Variants in ATP9B observed in about 807,000 individuals in gnomAD.
The protein encoded by ATP9B is ATPase phospholipid transporting 9B, also known as probable phospholipid-transporting ATPase IIB.
Under a neutral mutation model 146.1 loss-of-function variants are expected in ATP9B, and 110 were observed. That is an observed-to-expected ratio of 0.75 (90% confidence interval 0.65 to 0.88). The LOEUF is 0.88. Among genes scored for constraint, ATP9B ranks in the 40% least tolerant of loss-of-function variants. The pLI is 0.00. For missense variants in ATP9B, 1,499 were observed against 1,496.4 expected, an observed-to-expected ratio of 1.00 and a Z score of -0.03; for synonymous variants, 604 against 569.7, an observed-to-expected ratio of 1.06 and a Z score of -0.86.
rs114314799 is a variant in ATP9B, at chr18:79,330,192, A to G, written c.2028+88A>G. 1.5e-3 allele frequency: 1,852 copies of G among 1,213,584 alleles called. 10 individuals are homozygous for G. The African/African-American group carries it at 0.023, about 15-fold the overall frequency. The allele number at this position is 1,213,584 out of a possible 1,614,324, so 75.2% of individuals were successfully genotyped here. On this transcript the variant is annotated intron_variant, in intron 17 of 29. Transcript: ENST00000426216. ...TCTCAGCCTGGTTCACAGTGTTTCT[A>G]TGAACTTTATTGATAGATGACAGGA...
Position 79,195,927 on chromosome 18 carries a change from C to G in ATP9B, c.954+2664C>G, listed in dbSNP as rs151083512. Reference sequence around the variant, plus strand: ...GAAATGGTTTGAAACATTGACAGCTCAAGTGTGTGTTATTAAATACAAGGA... The same window carrying G: ...GAAATGGTTTGAAACATTGACAGCTGAAGTGTGTGTTATTAAATACAAGGA... On this transcript the variant is annotated intron_variant, in intron 9 of 29. Coordinates refer to ENST00000426216, the MANE Select transcript of ATP9B (RefSeq NM_198531.5). Among the ~76,000 whole-genome samples, 191 of 152,268 alleles carry G rather than the reference C, an allele frequency of 1.3e-3. 3 individuals are homozygous for G. The highest frequency in any genetic ancestry group is 4.4e-3 in the African/African-American group (183 of 41,552).
At chr18:79,132,075 G>A (rs1373668405) in intron 5 of ATP9B, among the ~76,000 whole-genome samples, 1 of 152,228 alleles carries the variant, frequency 6.6e-6, no homozygotes, top group African/African-American at 2.4e-5. Context: ...CAATGCCACT[G>A]AATGGTTCAC....
In ATP9B at chr18:79,327,593, G is replaced by A. The variant is rs1231493271; in HGVS notation, c.1774-1548G>A. On this transcript the variant is annotated intron_variant, in intron 15 of 29. Coordinates refer to ENST00000426216, the MANE Select transcript of ATP9B (RefSeq NM_198531.5). Reference sequence around the variant, plus strand: ...GGTTAGCGTGCTCTCCGTGGTTAACGTGCCCTCCGTGGTTAGCGTGCCCTC... The same window carrying A: ...GGTTAGCGTGCTCTCCGTGGTTAACATGCCCTCCGTGGTTAGCGTGCCCTC... 2.5e-4 allele frequency among the ~76,000 whole-genome samples: 35 copies of A among 141,136 alleles called. 2 individuals carry two copies. The highest frequency in any genetic ancestry group is 6.7e-4 in the African/African-American group (24 of 35,678). 92.6% of individuals were successfully genotyped at this position (141,136 alleles called of 152,430 possible).
chr18:79,240,478 G>T (rs1452462393), intron 11 of ATP9B, among the ~76,000 whole-genome samples: 1 of 152,246 alleles, frequency 6.6e-6, no homozygotes, highest in East Asian at 1.9e-4. Context: ...CCGGACACAG[G>T]CTCACGCCTG....
intron 26 of ATP9B, 52 bp from the exon 27 acceptor site, chr18:79,372,773 A>T: frequency 8.2e-7 from 1 of 1,213,592 alleles, no homozygotes; most frequent in African/African-American, 1.5e-5. Flanking sequence ...GGAAGGCGTG[A>T]GTCAAGCAGG....
intron 2 of ATP9B, among the ~76,000 whole-genome samples, chr18:79,100,260 C>T (rs2075162943): frequency 6.6e-6 from 1 of 152,152 alleles, no homozygotes; most frequent in Non-Finnish European, 1.5e-5. Context: ...AAGTGCACTG[C>T]TCTGTATGTC....
At chr18:79,337,085 G>A (rs1283152503) in intron 18 of ATP9B, among the ~76,000 whole-genome samples, 194 bp from the exon 19 acceptor site, 1 of 151,448 alleles carries the variant, frequency 6.6e-6, no homozygotes, top group East Asian at 1.9e-4. Flanking sequence ...GCACGTACAC[G>A]TGTGCACACA....
intron 2 of ATP9B, among the ~76,000 whole-genome samples, chr18:79,099,302 A>C (rs562261907): frequency 6.6e-6 from 1 of 151,836 alleles, no homozygotes; most frequent in South Asian, 2.1e-4. Flanking sequence ...GCTCACCTCA[A>C]CCTCCGCCTT....
At chr18:79,331,247 G>A (rs1600095760) in intron 17 of ATP9B, among the ~76,000 whole-genome samples, 1 of 152,166 alleles carries the variant, frequency 6.6e-6, no homozygotes, top group Non-Finnish European at 1.5e-5. Flanking sequence ...CCCAGTGTTC[G>A]CAACGGTAGT....
intron 12 of ATP9B, among the ~76,000 whole-genome samples, chr18:79,263,215 T>A (rs950115234): frequency 4.6e-5 from 7 of 152,202 alleles, no homozygotes; most frequent in African/African-American, 1.7e-4. Flanking sequence ...CATATATAAA[T>A]ATATGCAGTC....
chr18:79,270,430 T>G (rs547087489), intron 12 of ATP9B, among the ~76,000 whole-genome samples: 55 of 152,304 alleles, frequency 3.6e-4, no homozygotes, highest in African/African-American at 9.9e-4. Context: ...AATTTGCCAC[T>G]GCTTGACTTT....
At chr18:79,277,289 A>G (rs2096322565) in intron 13 of ATP9B, 93 bp downstream of exon 13, 4 of 1,462,762 alleles carry the variant, frequency 2.7e-6, no homozygotes, top group Non-Finnish European at 3.7e-6. Flanking sequence ...ATGTGTATGT[A>G]TATATGTGTA....
At chr18:79,298,380 G>T (rs749492042) in intron 13 of ATP9B, among the ~76,000 whole-genome samples, 1 of 145,862 alleles carries the variant, frequency 6.9e-6, no homozygotes, top group African/African-American at 2.5e-5. Context: ...AAAAAAGCGC[G>T]GTACTTAGCC....
intron 8 of ATP9B, among the ~76,000 whole-genome samples, chr18:79,191,710 G>C (rs554266332): frequency 1.3e-5 from 2 of 152,040 alleles, no homozygotes; most frequent in Non-Finnish European, 2.9e-5. Context: ...TTGCTTACTC[G>C]TTAGGAGCAT....
intron 10 of ATP9B, among the ~76,000 whole-genome samples, chr18:79,212,928 C>T (rs2095597210): frequency 6.6e-6 from 1 of 152,108 alleles, no homozygotes; most frequent in African/African-American, 2.4e-5. Flanking sequence ...CTGGGGAATA[C>T]TTCACATCTT....
intron 7 of ATP9B, among the ~76,000 whole-genome samples, chr18:79,162,553 T>C (rs2094899299): frequency 6.6e-6 from 1 of 152,234 alleles, no homozygotes; most frequent in Non-Finnish European, 1.5e-5. Context: ...TTGGGACATA[T>C]TATAGTACCT....
chr18:79,130,616 A>G (rs2094362186), intron 5 of ATP9B, among the ~76,000 whole-genome samples: 1 of 152,150 alleles, frequency 6.6e-6, no homozygotes, highest in African/African-American at 2.4e-5. Context: ...AGCAAAGCAC[A>G]TGAAGGATAA....
chr18:79,097,829 A>G (rs1270361390), intron 2 of ATP9B, among the ~76,000 whole-genome samples: 5 of 148,454 alleles, frequency 3.4e-5, no homozygotes, highest in South Asian at 2.1e-4. Context: ...TAGTGCCGCA[A>G]TAAACATACG....
chr18:79,182,529 G>A (rs776796767), intron 8 of ATP9B, among the ~76,000 whole-genome samples: 2 of 151,942 alleles, frequency 1.3e-5, no homozygotes, highest in Non-Finnish European at 2.9e-5. Context: ...CTTTACCTGG[G>A]CTTATGTGGG....
Sources: gnomAD v4.1 joint callset for allele counts (sites outside exome capture counted in the v4.1 genomes callset) on GRCh38, gnomAD v4.1.1 for gene constraint, MANE v1.5 for transcripts, NCBI Gene and HGNC (gene_info 2026-07-23, HGNC 2026-07-21) for gene names.